Variants in IFT88 observed in about 807,000 individuals in gnomAD.
IFT88 encodes intraflagellar transport protein 88 homolog.
IFT88 carries 74 observed loss-of-function variants against 119.5 expected under a neutral mutation model. The ratio of observed to expected loss-of-function variants is 0.62; its 90% CI spans 0.51 to 0.75. The LOEUF (loss-of-function observed/expected upper bound fraction) is 0.75, where lower values mean the gene tolerates loss of function less well. IFT88 is among the 30% of genes least tolerant of loss of function. The pLI is 0.00. For missense variants in IFT88, 961 were observed against 977.7 expected (o/e 0.98, Z 0.23); for synonymous variants, 279 against 316.7 (o/e 0.88, Z 1.26).
intron 16 of IFT88, among the ~76,000 whole-genome samples, chr13:20,634,496 G>A (rs2048703583): frequency 6.6e-6 from 1 of 152,132 alleles, no homozygotes; most frequent in Admixed American, 6.5e-5. Context: ...CTTGAGGCCA[G>A]GAGTTCAAGC....
intron 14 of IFT88, among the ~76,000 whole-genome samples, chr13:20,623,478 G>A (rs771962312): frequency 6.6e-6 from 1 of 152,012 alleles, no homozygotes; most frequent in Non-Finnish European, 1.5e-5. Context: ...TGATGTTTTT[G>A]TTTTGTTTTG....
chr13:20,596,295 T>C, intron 8 of IFT88, 55 bp downstream of exon 8: 1 of 723,854 alleles, frequency 1.4e-6, no homozygotes, highest in Non-Finnish European at 2.3e-6. Flanking sequence ...GTATGTCTGC[T>C]TTTATACATA....
chr13:20,575,507 G>A (rs1402869050), intron 2 of IFT88, among the ~76,000 whole-genome samples: 1 of 152,078 alleles, frequency 6.6e-6, no homozygotes, highest in African/African-American at 2.4e-5. Flanking sequence ...CCCAGCATTG[G>A]AGGTGAGACC....
At position 20,646,296 on chromosome 13, in the gene IFT88, C is replaced by CTT. The variant is rs57699433; in HGVS notation, c.1949+1354_1949+1355dup. 2.6e-3 allele frequency among the ~76,000 whole-genome samples: 352 copies of CTT among 137,300 alleles called. 1 individual carries two copies. The highest frequency in any genetic ancestry group is 8.2e-3 in the African/African-American group (305 of 37,364). 90.1% of individuals were successfully genotyped at this position (137,300 alleles called of 152,430 possible). ...ACTAACACATTTACACCAATAAAAT[C>CTT]TTTTTTTTTTTTTTTTTGAGACAGA... On this transcript the variant is annotated intron_variant, in intron 20 of 25. Transcript: ENST00000351808.
intron 13 of IFT88, chr13:20,607,437 A>C: frequency 1.5e-6 from 1 of 661,620 alleles, no homozygotes; most frequent in Non-Finnish European, 2.9e-6. Context: ...CAGAGCAACA[A>C]GGTGTACTTG....
intron 24 of IFT88, among the ~76,000 whole-genome samples, chr13:20,682,302 T>C (rs896961758): frequency 6.6e-6 from 1 of 152,234 alleles, no homozygotes; most frequent in Non-Finnish European, 1.5e-5. Context: ...TCAGCAAGTC[T>C]AAAGTCTTTG....
chr13:20,603,186 C>G (rs973938705), intron 12 of IFT88, among the ~76,000 whole-genome samples: 3 of 152,048 alleles, frequency 2.0e-5, no homozygotes, highest in African/African-American at 7.2e-5. Context: ...AAAAATGGTA[C>G]ATTTTCAATT....
intron 24 of IFT88, 68 bp downstream of exon 24, chr13:20,671,107 T>C (rs2055777839): frequency 8.0e-7 from 1 of 1,247,164 alleles, no homozygotes; most frequent in Non-Finnish European, 1.2e-6. Flanking sequence ...TCTGGAAACA[T>C]CTTGCAATAA....
At chr13:20,686,836 G>T (rs541896306) in intron 24 of IFT88, among the ~76,000 whole-genome samples, 2 of 151,820 alleles carry the variant, frequency 1.3e-5, no homozygotes, top group African/African-American at 4.8e-5. Flanking sequence ...TATTTGGAGA[G>T]AAATTTTCAC....
intron 20 of IFT88, among the ~76,000 whole-genome samples, chr13:20,649,763 CAAAAA>C (rs908840890): frequency 2.6e-5 from 4 of 151,086 alleles, no homozygotes; most frequent in African/African-American, 4.9e-5. Context: ...GAAGGACTAA[CAAAAA>C]AAAGAGGACT....
rs140323983 is a variant in IFT88 at position 20,596,997 on chromosome 13, G to C, written c.490-18G>C. ...ATGAACACTCAAAGGAAGTTACAAG[G>C]TATAAATCTGATTTCAGGCCTTAGA... On this transcript the variant is annotated intron_variant, in intron 8 of 25. Coordinates refer to ENST00000351808, the MANE Select transcript of IFT88 (RefSeq NM_006531.5). 164 of 1,430,642 alleles carry C rather than the reference G, an allele frequency of 1.1e-4. 1 individual carries two copies. The African/African-American group carries it at 2.1e-3, about 18-fold the overall frequency. 88.6% of individuals were successfully genotyped at this position (1,430,642 alleles called of 1,614,324 possible).
chr13:20,657,047 C>T (rs1022315666), intron 22 of IFT88, among the ~76,000 whole-genome samples: 2 of 152,030 alleles, frequency 1.3e-5, no homozygotes, highest in Non-Finnish European at 2.9e-5. Context: ...TTAGTAGAGA[C>T]GGGTTTTACT....
chr13:20,578,089 G>C (rs2037796891), intron 2 of IFT88, among the ~76,000 whole-genome samples: 1 of 120,970 alleles, frequency 8.3e-6, no homozygotes, highest in African/African-American at 3.1e-5. Context: ...CTGTAGCCCA[G>C]GCTGGAGTGC....
intron 24 of IFT88, among the ~76,000 whole-genome samples, chr13:20,675,934 C>T (rs7319891): frequency 0.26 from 38,851 of 152,156 alleles, 6,478 homozygotes; most frequent in African/African-American, 0.46. Context: ...TCCATGAATA[C>T]TTTTGGTAAT....
intron 2 of IFT88, among the ~76,000 whole-genome samples, chr13:20,578,178 G>A (rs1043730260): frequency 6.7e-6 from 1 of 150,292 alleles, no homozygotes; most frequent in Admixed American, 6.6e-5. Context: ...CCGAGTAGCT[G>A]GGACCACAGG....
chr13:20,571,554 C>T (rs894022351), intron 1 of IFT88, among the ~76,000 whole-genome samples: 3 of 152,130 alleles, frequency 2.0e-5, no homozygotes, highest in Non-Finnish European at 4.4e-5. Flanking sequence ...TCATTTCTCC[C>T]ATGCTTCTGT....
At chr13:20,650,778 A>G (rs1168246083) in intron 20 of IFT88, among the ~76,000 whole-genome samples, 2 of 152,228 alleles carry the variant, frequency 1.3e-5, no homozygotes, top group African/African-American at 4.8e-5. Context: ...AGGATATAAA[A>G]TTAACCCACA....
chr13:20,601,224 G>A (rs1206865601), intron 11 of IFT88, among the ~76,000 whole-genome samples: 7 of 152,134 alleles, frequency 4.6e-5, no homozygotes, highest in African/African-American at 1.4e-4. Context: ...AAATTAGCCC[G>A]GCGTGGTGGC....
chr13:20,571,058 A>G (rs1031614113), intron 1 of IFT88, among the ~76,000 whole-genome samples: 1 of 152,070 alleles, frequency 6.6e-6, no homozygotes, highest in Non-Finnish European at 1.5e-5. Context: ...TGGTGGCACA[A>G]TCTCGGCCCA....
Sources: gnomAD v4.1 joint callset for allele counts (sites outside exome capture counted in the v4.1 genomes callset) on GRCh38, gnomAD v4.1.1 for gene constraint, MANE v1.5 for transcripts, NCBI Gene and HGNC (gene_info 2026-07-23, HGNC 2026-07-21) for gene names.